The following TMEM248 variants were observed in gnomAD, a reference collection of about 807,000 sequenced individuals.
TMEM248 encodes transmembrane protein 248.
In TMEM248, 9 loss-of-function variants were observed where a neutral mutation model predicts 30.3. That is an observed-to-expected ratio of 0.30 (90% CI 0.18 to 0.52). The LOEUF is 0.52. TMEM248 is among the 20% of genes least tolerant of loss of function. TMEM248 has a pLI of 0.97. For synonymous variants in TMEM248, 184 were observed against 154.4 expected, an observed-to-expected ratio of 1.19 and a Z score of -1.42; for missense variants, 338 against 403.3, an observed-to-expected ratio of 0.84 and a Z score of 1.39.
intron 1 of TMEM248, among the ~76,000 whole-genome samples, chr7:66,931,490 A>AT (rs141003306): frequency 0.019 from 2,875 of 149,152 alleles, 69 homozygotes; most frequent in East Asian, 0.091. Flanking sequence ...GCAAAATTAC[A>AT]TTTTTTTTTT....
chr7:66,940,723 C>T (rs1245953250), intron 1 of TMEM248, among the ~76,000 whole-genome samples: 1 of 152,212 alleles, frequency 6.6e-6, no homozygotes, highest in Admixed American at 6.5e-5. Flanking sequence ...TTGCCGACCT[C>T]TCCTAGGTCT....
chr7:66,932,776 A>G (rs1791701191), intron 1 of TMEM248, among the ~76,000 whole-genome samples: 2 of 151,064 alleles, frequency 1.3e-5, no homozygotes, highest in Admixed American at 6.6e-5. Context: ...TCAGCCTCCC[A>G]AAGTGCTAGG....
chr7:66,952,827 G>A (rs1053995030), intron 5 of TMEM248, among the ~76,000 whole-genome samples: 1 of 152,230 alleles, frequency 6.6e-6, no homozygotes, highest in Non-Finnish European at 1.5e-5. Context: ...TAGGAATGCA[G>A]CCTCGGCTGT....
chr7:66,933,585 A>T (rs1791722902), intron 1 of TMEM248, among the ~76,000 whole-genome samples: 1 of 152,240 alleles, frequency 6.6e-6, no homozygotes, highest in Non-Finnish European at 1.5e-5. Flanking sequence ...CAGAAAGTTT[A>T]TAACACAGCT....
rs145206522 is a variant in TMEM248, at chr7:66,955,360, G to A, written c.925-142G>A. The A allele has an allele frequency of 2.2e-4, 213 of 957,510 alleles. 1 individual carries two copies. The Admixed American group carries it at 4.8e-3, about 22-fold the overall frequency. 59.3% of individuals were successfully genotyped at this position (957,510 alleles called of 1,614,324 possible). On this transcript the variant is annotated intron_variant, in intron 6 of 6. Transcript: ENST00000341567. Reference sequence around the variant, plus strand: ...GAGATTTCTAGTAATTTCTTCCTAGGTGAGATTTTCTTTTTAGGGATTTAG... The same window carrying A: ...GAGATTTCTAGTAATTTCTTCCTAGATGAGATTTTCTTTTTAGGGATTTAG...
Position 66,953,277 on chromosome 7 carries a change from T to G in TMEM248, c.832T>G (p.Phe278Val), listed in dbSNP as rs371392877. 3.0e-5 allele frequency: 48 copies of G among 1,614,154 alleles called. No individual in the cohort carries two copies. The highest frequency in any genetic ancestry group is 2.9e-4 in the East Asian group (13 of 44,882). Residue 278 changes from phenylalanine (F) to valine (V), a missense_variant, in exon 6 of 7, where the codon TTT (phenylalanine) becomes GTT (valine). By Grantham distance (50) the Phe-to-Val change is conservative. Transcript: ENST00000341567. Reference sequence around the variant, plus strand: ...TCTCATGCACACCAGTTACTTCCTCTTTGTGATGGTGATAACAATGTTTTG... The same window carrying G: ...TCTCATGCACACCAGTTACTTCCTCGTTGTGATGGTGATAACAATGTTTTG... ...LHLMHTSYFL[F>V]VMVITMFCYA...
chr7:66,954,916 G>C (rs1792364774), intron 6 of TMEM248, among the ~76,000 whole-genome samples: 1 of 152,154 alleles, frequency 6.6e-6, no homozygotes, highest in South Asian at 2.1e-4. Flanking sequence ...CTGGGTAGCT[G>C]CCTCCTCTGT....
chr7:66,931,350 T>C (rs1791660985), intron 1 of TMEM248, among the ~76,000 whole-genome samples: 1 of 149,568 alleles, frequency 6.7e-6, no homozygotes, highest in Admixed American at 6.6e-5. Flanking sequence ...ATAAAGTTAG[T>C]TTAAAACTTG....
chr7:66,926,407 G>A (rs1290190403), intron 1 of TMEM248, among the ~76,000 whole-genome samples: 1 of 152,174 alleles, frequency 6.6e-6, no homozygotes. Flanking sequence ...ATTGCTTGAG[G>A]TCAGGAGTTC....
At chr7:66,950,211 G>A (rs1792224551) in intron 4 of TMEM248, among the ~76,000 whole-genome samples, 2 of 146,784 alleles carry the variant, frequency 1.4e-5, no homozygotes, top group African/African-American at 2.5e-5. Context: ...GCAAGACTCC[G>A]TCTCAAAAAA....
At chr7:66,945,326 C>G in intron 3 of TMEM248, 65 bp downstream of exon 3, 1 of 1,540,646 alleles carries the variant, frequency 6.5e-7, no homozygotes, top group Non-Finnish European at 8.9e-7. Flanking sequence ...GAGGATGCAC[C>G]GTGTATGTTT....
chr7:66,932,102 C>G (rs983768056), intron 1 of TMEM248, among the ~76,000 whole-genome samples: 3 of 151,868 alleles, frequency 2.0e-5, no homozygotes, highest in Non-Finnish European at 4.4e-5. Context: ...CTGCACCCAT[C>G]CGGCCTTCCT....
chr7:66,942,156 A>T, intron 2 of TMEM248, 132 bp downstream of exon 2: 1 of 1,018,422 alleles, frequency 9.8e-7, no homozygotes, highest in Non-Finnish European at 1.4e-6. Context: ...TTTATTCAGA[A>T]TTTTCTGTTT....
At chr7:66,943,122 C>G (rs985988122) in intron 2 of TMEM248, among the ~76,000 whole-genome samples, 4 of 152,048 alleles carry the variant, frequency 2.6e-5, no homozygotes, top group Admixed American at 2.6e-4. Flanking sequence ...TACTAAGAGA[C>G]ATACTGGCTG....
chr7:66,946,383 G>C (rs973429630), intron 3 of TMEM248, among the ~76,000 whole-genome samples: 2 of 152,044 alleles, frequency 1.3e-5, no homozygotes, highest in African/African-American at 4.8e-5. Context: ...TTCAAGACCA[G>C]TCTGGCCAAC....
chr7:66,950,769 A>T (rs980934187), intron 4 of TMEM248, among the ~76,000 whole-genome samples, 183 bp from the exon 5 acceptor site: 2 of 152,172 alleles, frequency 1.3e-5, no homozygotes, highest in Admixed American at 1.3e-4. Flanking sequence ...TTTATTTTTT[A>T]AAAAAGACCC....
rs748418812 is a variant in TMEM248 at position 66,951,074 on chromosome 7, AG to A, written c.724del (p.Ala242ProfsTer9). The A allele has an allele frequency of 5.0e-6, 8 of 1,610,786 alleles. No homozygotes were observed. ...AQDYNPFWCY[K>X]GAIGKVYHAL... ...GATTACAATCCTTTCTGGTGTTATA[AG>A]GGGGCCATTGGAAAAGTCTATCATG... On this transcript the variant is annotated frameshift_variant, in exon 5 of 7. Coordinates refer to ENST00000341567, the MANE Select transcript of TMEM248 (RefSeq NM_017994.5). LOFTEE classifies it high-confidence loss of function.
chr7:66,950,004 A>G (rs1792219561), intron 4 of TMEM248, among the ~76,000 whole-genome samples: 1 of 152,174 alleles, frequency 6.6e-6, no homozygotes, highest in African/African-American at 2.4e-5. Context: ...TAAGTTAAAC[A>G]TTACTTTGTG....
chr7:66,954,268 A>G (rs1360180127), intron 6 of TMEM248, among the ~76,000 whole-genome samples: 1 of 152,142 alleles, frequency 6.6e-6, no homozygotes, highest in East Asian at 1.9e-4. Context: ...AATACCTAAT[A>G]CAATGTAAAT....
Sources: allele counts gnomAD v4.1 joint callset (sites outside exome capture counted in the v4.1 genomes callset), GRCh38; gene constraint gnomAD v4.1.1; transcripts MANE v1.5; gene names NCBI Gene and HGNC (gene_info 2026-07-23, HGNC 2026-07-21).